ATP8A1: variants seen among roughly 807,000 people sequenced by gnomAD.
ATP8A1 encodes the protein ATPase phospholipid transporting 8A1.
In ATP8A1, 90 loss-of-function variants were observed where a neutral mutation model predicts 177.7. That is an observed-to-expected ratio of 0.51 (90% CI 0.43 to 0.60). ATP8A1 has a LOEUF of 0.60. ATP8A1 is among the 20% of genes least tolerant of loss of function. The pLI is 0.00. For missense variants in ATP8A1, 1,072 were observed against 1,392.8 expected (o/e 0.77, Z 3.67); for synonymous variants, 493 against 485.9 (o/e 1.01, Z -0.19).
chr4:42,435,867 T>G, intron 33 of ATP8A1, among the ~76,000 whole-genome samples: 1 of 152,220 alleles, frequency 6.6e-6, no homozygotes, highest in East Asian at 1.9e-4. Flanking sequence ...CCCTATCATA[T>G]CTGTTCTGTG....
At chr4:42,579,715 C>CCTT in intron 11 of ATP8A1, 98 bp downstream of exon 11, 1 of 1,130,296 alleles carries the variant, frequency 8.8e-7, no homozygotes. Flanking sequence ...GCAACAAGGT[C>CCTT]TTTTTAGAAA....
chr4:42,561,222 G>A (rs1366707679), intron 15 of ATP8A1, among the ~76,000 whole-genome samples: 1 of 152,216 alleles, frequency 6.6e-6, no homozygotes, highest in Non-Finnish European at 1.5e-5. Flanking sequence ...GCCGCGCACT[G>A]GGACAGGTGC....
rs1176289518 is a variant in ATP8A1 at position 42,485,577 on chromosome 4, G to A, written c.2243C>T (p.Thr748Ile). ...TCCAAAGGTTAAGGCATATTTGAGG[G>A]TTTTCCCATCAATTATAAGAGCAAA... is the stretch of plus-strand genomic sequence containing the variant. ...NDFALIIDGK[T>I]LKYALTFGVR... Residue 748 changes from threonine to isoleucine, a missense_variant, in exon 25 of 37, where the codon ACC (threonine) becomes ATC (isoleucine). Around this residue, in one of 5 missense-constraint regions of ATP8A1, gnomAD observed 388 missense variants for 471.7 expected, o/e 0.82. Coordinates refer to ENST00000381668, the MANE Select transcript of ATP8A1 (RefSeq NM_006095.2). 1 of 1,613,744 alleles carries A rather than the reference G, an allele frequency of 6.2e-7. No individual in the cohort carries two copies. The highest frequency in any genetic ancestry group is 2.2e-5 in the East Asian group (1 of 44,848).
chr4:42,517,199 G>T (rs1457623082), intron 22 of ATP8A1, among the ~76,000 whole-genome samples: 1 of 151,444 alleles, frequency 6.6e-6, no homozygotes, highest in Admixed American at 6.6e-5. Flanking sequence ...TATTCAGGAG[G>T]CTGAGGGAGG....
chr4:42,574,558 A>C, intron 14 of ATP8A1, 61 bp downstream of exon 14: 1 of 1,370,146 alleles, frequency 7.3e-7, no homozygotes, highest in Non-Finnish European at 1.0e-6. Flanking sequence ...TCCCAAATGT[A>C]CCAAACTGTT....
chr4:42,533,993 G>A (rs1727532839), intron 20 of ATP8A1, among the ~76,000 whole-genome samples: 1 of 152,156 alleles, frequency 6.6e-6, no homozygotes, highest in African/African-American at 2.4e-5. Context: ...AATCAAGGGA[G>A]TACTCCATGG....
At chr4:42,501,375 A>G (rs1723841314) in intron 24 of ATP8A1, among the ~76,000 whole-genome samples, 2 of 152,214 alleles carry the variant, frequency 1.3e-5, no homozygotes, top group Non-Finnish European at 2.9e-5. Context: ...TAGGCAGCAG[A>G]ACTGGCTCAG....
intron 25 of ATP8A1, among the ~76,000 whole-genome samples, chr4:42,481,491 A>C (rs1288634898): frequency 6.6e-6 from 1 of 152,274 alleles, no homozygotes; most frequent in East Asian, 1.9e-4. Context: ...CCAAATCAGT[A>C]GAGCTAGAAC....
At chr4:42,465,235 A>T (rs1247606079) in intron 25 of ATP8A1, among the ~76,000 whole-genome samples, 159 bp from the exon 26 acceptor site, 1 of 152,226 alleles carries the variant, frequency 6.6e-6, no homozygotes, top group Non-Finnish European at 1.5e-5. Flanking sequence ...CTCATCTGTT[A>T]ACCTGGTTAC....
chr4:42,545,658 C>T (rs762196756), intron 19 of ATP8A1, among the ~76,000 whole-genome samples: 9 of 152,170 alleles, frequency 5.9e-5, no homozygotes, highest in Non-Finnish European at 1.2e-4. Context: ...AAAAATTCAC[C>T]TTGATAAAAA....
At chr4:42,424,474 C>G (rs1714355263) in intron 33 of ATP8A1, among the ~76,000 whole-genome samples, 1 of 152,008 alleles carries the variant, frequency 6.6e-6, no homozygotes, top group African/African-American at 2.4e-5. Context: ...CTATTTAAAT[C>G]CATATATGTA....
At chr4:42,431,838 G>C (rs1715346127) in intron 33 of ATP8A1, among the ~76,000 whole-genome samples, 1 of 152,106 alleles carries the variant, frequency 6.6e-6, no homozygotes. Context: ...TCTCCTCCTA[G>C]GTCTCAGTTA....
chr4:42,435,173 C>A (rs1405727501), intron 33 of ATP8A1, among the ~76,000 whole-genome samples: 2 of 152,102 alleles, frequency 1.3e-5, no homozygotes, highest in Non-Finnish European at 2.9e-5. Flanking sequence ...CGCCTGTAAT[C>A]CCAGCACTTT....
At position 42,424,785 on chromosome 4, in the gene ATP8A1, C is replaced by G. The variant is rs570381220; in HGVS notation, c.3124-1080G>C. Among the ~76,000 whole-genome samples the G allele has an allele frequency of 1.4e-4, 21 of 152,314 alleles. No individual in the cohort carries two copies. In the South Asian group the frequency reaches 4.3e-3, roughly 32 times the overall value. On this transcript the variant is annotated intron_variant, in intron 33 of 36. Transcript: ENST00000381668. Reference sequence around the variant, plus strand: ...ATTGACATGAGCTTATCGATACAGACCGCAGGTTCAGGGACGCTAAGATTT... The same window carrying G: ...ATTGACATGAGCTTATCGATACAGAGCGCAGGTTCAGGGACGCTAAGATTT...
At chr4:42,487,901 C>G (rs1402139004) in intron 24 of ATP8A1, among the ~76,000 whole-genome samples, 8 of 152,098 alleles carry the variant, frequency 5.3e-5, no homozygotes. Flanking sequence ...CACAAAGGAC[C>G]ACCATATAGC....
chr4:42,578,535 A>C, intron 11 of ATP8A1, 148 bp from the exon 12 acceptor site: 87 of 846,064 alleles, frequency 1.0e-4, no homozygotes, highest in Middle Eastern at 2.9e-4. Flanking sequence ...CCTAATTCTC[A>C]AGTACATCCT....
intron 21 of ATP8A1, among the ~76,000 whole-genome samples, chr4:42,523,974 G>A (rs1578102715): frequency 6.6e-6 from 1 of 152,194 alleles, no homozygotes; most frequent in South Asian, 2.1e-4. Context: ...TCAGTTTGGT[G>A]CCACTGGCAA....
chr4:42,466,010 C>T (rs13126135), intron 25 of ATP8A1, among the ~76,000 whole-genome samples: 5,286 of 127,340 alleles, frequency 0.042, 165 homozygotes, highest in Middle Eastern at 0.11. Flanking sequence ...CCAGCCTGGG[C>T]GACAGAGCAA....
intron 4 of ATP8A1, among the ~76,000 whole-genome samples, chr4:42,618,189 A>G (rs1278465775): frequency 2.6e-5 from 4 of 152,094 alleles, no homozygotes; most frequent in Admixed American, 6.5e-5. Flanking sequence ...CTCCCTAGGT[A>G]TTTCTTATCA....
Sources: allele counts gnomAD v4.1 joint callset (sites outside exome capture counted in the v4.1 genomes callset), GRCh38; gene constraint gnomAD v4.1.1; regional missense constraint gnomAD v4.1.1; transcripts MANE v1.5; gene names NCBI Gene and HGNC (gene_info 2026-07-23, HGNC 2026-07-21).